The following MCTP1 variants were observed in gnomAD, a reference collection of about 807,000 sequenced individuals.
MCTP1 encodes multiple C2 and transmembrane domain containing 1, also known as multiple C2 and transmembrane domain-containing protein 1.
MCTP1 carries 69 observed loss-of-function variants against 120.6 expected under a neutral mutation model. The observed-to-expected ratio is 0.57, with a 90% CI of 0.47 to 0.70. The LOEUF (loss-of-function observed/expected upper bound fraction) is 0.70, where lower values mean the gene tolerates loss of function less well. Among genes scored for constraint, MCTP1 ranks in the 30% least tolerant of loss-of-function variants. MCTP1 has a pLI of 0.00. For synonymous variants in MCTP1, 529 were observed against 493.1 expected, an observed-to-expected ratio of 1.07 and a Z score of -0.96; for missense variants, 1,203 against 1,248.8, an observed-to-expected ratio of 0.96 and a Z score of 0.55.
rs1003829896 is a variant in MCTP1, at chr5:95,170,106, T to C, written c.720+113750A>G. Among the ~76,000 whole-genome samples the C allele has an allele frequency of 9.8e-5, 15 of 152,344 alleles. No individual in the cohort carries two copies. In the East Asian group the frequency reaches 2.9e-3, roughly 29 times the overall value. ...AATGTGTCCCAGAGATTCTGGTATG[T>C]TGTGTCTTTGTTCTCATTGGTTTCA... is the stretch of plus-strand genomic sequence containing the variant. On this transcript the variant is annotated intron_variant, in intron 1 of 22. Coordinates refer to ENST00000515393, the MANE Select transcript of MCTP1 (RefSeq NM_024717.7).
At chr5:94,753,798 T>C (rs1378325748) in intron 19 of MCTP1, among the ~76,000 whole-genome samples, 22 of 152,210 alleles carry the variant, frequency 1.4e-4, no homozygotes. Context: ...AAGTAACTTC[T>C]CTTCTAGAAA....
intron 1 of MCTP1, among the ~76,000 whole-genome samples, chr5:95,117,377 C>T (rs1400925494): frequency 3.6e-5 from 4 of 111,048 alleles, no homozygotes; most frequent in South Asian, 3.2e-4. Flanking sequence ...GGCAACAGAG[C>T]GAGACTCCGT....
intron 1 of MCTP1, among the ~76,000 whole-genome samples, chr5:95,232,636 T>A (rs922201754): frequency 6.6e-6 from 1 of 151,832 alleles, no homozygotes; most frequent in Non-Finnish European, 1.5e-5. Context: ...TTTTTTTGTA[T>A]TTTAGTAGAG....
chr5:94,925,503 G>C (rs964488443), intron 6 of MCTP1, among the ~76,000 whole-genome samples: 1 of 151,968 alleles, frequency 6.6e-6, no homozygotes, highest in Admixed American at 6.5e-5. Flanking sequence ...CCACCTCCCG[G>C]GTTCACGCCA....
At chr5:95,058,804 G>A (rs1164933782) in intron 1 of MCTP1, among the ~76,000 whole-genome samples, 1 of 151,992 alleles carries the variant, frequency 6.6e-6, no homozygotes, top group East Asian at 1.9e-4. Flanking sequence ...TGCAAACAGG[G>A]TTTTCAGGGG....
At chr5:95,220,338 T>C (rs956946913) in intron 1 of MCTP1, among the ~76,000 whole-genome samples, 1 of 151,094 alleles carries the variant, frequency 6.6e-6, no homozygotes, top group South Asian at 2.1e-4. Context: ...CTTCTTCCTT[T>C]TTTTTTTTTT....
chr5:94,791,112 CAAAAA>C (rs60394333), intron 18 of MCTP1, among the ~76,000 whole-genome samples: 2 of 99,660 alleles, frequency 2.0e-5, no homozygotes, highest in South Asian at 3.5e-4. Flanking sequence ...GTCTCTACTA[CAAAAA>C]AAAAAAAAAA....
At chr5:95,025,667 T>A (rs1352939847) in intron 1 of MCTP1, among the ~76,000 whole-genome samples, 1 of 152,192 alleles carries the variant, frequency 6.6e-6, no homozygotes, top group Non-Finnish European at 1.5e-5. Context: ...ACTGGAGTCA[T>A]TACCATACAT....
chr5:94,938,233 T>TC (rs1172109288), intron 5 of MCTP1, among the ~76,000 whole-genome samples: 1 of 151,984 alleles, frequency 6.6e-6, no homozygotes, highest in Non-Finnish European at 1.5e-5. Flanking sequence ...TTTCAATGGC[T>TC]CCCCCACAGT....
At chr5:95,242,678 A>T (rs1017569203) in intron 1 of MCTP1, among the ~76,000 whole-genome samples, 7 of 152,202 alleles carry the variant, frequency 4.6e-5, no homozygotes, top group Admixed American at 4.6e-4. Context: ...ACTTATATAA[A>T]ATTCTAGGAA....
intron 1 of MCTP1, among the ~76,000 whole-genome samples, chr5:95,277,424 A>G (rs1197238357): frequency 2.0e-5 from 3 of 152,230 alleles, no homozygotes; most frequent in Non-Finnish European, 4.4e-5. Context: ...CCAGGCTTAA[A>G]AGGACTTGGA....
chr5:94,912,857 C>T lies in MCTP1; in HGVS notation c.1470G>A (p.Leu490=), dbSNP rs1281768679. Residue 490 remains leucine, a synonymous_variant, in exon 9 of 23, where the codon TTG becomes TTA. Transcript: ENST00000515393. The part of the protein sequence containing the change: ...RDLKAMDSNG[L]SDPYVKFRLG... ...GCCGGAACTTCACGTAGGGATCGCT[C>T]AACCCGTTGGAATCCATGGCCTTGA... 1 of 1,589,394 alleles carries T rather than the reference C, an allele frequency of 6.3e-7. No individual in the cohort carries two copies. Among genetic ancestry groups the T allele is most frequent in the African/African-American group, 1.4e-5 (1 of 73,098 alleles).
intron 10 of MCTP1, among the ~76,000 whole-genome samples, chr5:94,904,942 G>C (rs1488812006): frequency 2.0e-5 from 3 of 152,152 alleles, no homozygotes; most frequent in Non-Finnish European, 4.4e-5. Context: ...GAAAATAAAT[G>C]ATAACATAAA....
rs1754415033 is a variant in MCTP1, at chr5:94,705,785, CAAT to C, written c.*1708_*1710del. On this transcript the variant is annotated 3_prime_UTR_variant, in exon 23 of 23. Coordinates refer to ENST00000515393, the MANE Select transcript of MCTP1 (RefSeq NM_024717.7). Reference sequence around the variant, plus strand: ...AAGTTATTTCAAACAGTTATCTCATCAATAAACTTTCTGTAGTAACATCATGTT... The same window carrying C: ...AAGTTATTTCAAACAGTTATCTCATCAAACTTTCTGTAGTAACATCATGTT... 1 of 151,064 alleles carries C rather than the reference CAAT, an allele frequency of 6.6e-6. No homozygotes were observed. The highest frequency in any genetic ancestry group is 2.4e-5 in the African/African-American group (1 of 41,128). The allele number at this position is 151,064 out of a possible 1,614,324, so 9.4% of individuals were successfully genotyped here. A position where few individuals can be genotyped will look rare whatever the true frequency, so the allele number is the denominator to read the frequency against.
intron 1 of MCTP1, among the ~76,000 whole-genome samples, chr5:95,278,562 A>G (rs1233795643): frequency 1.3e-5 from 2 of 152,208 alleles, no homozygotes; most frequent in Non-Finnish European, 2.9e-5. Context: ...TTATCAAGAA[A>G]TGGTCTTATT....
chr5:95,154,750 C>T (rs1055883352), intron 1 of MCTP1, among the ~76,000 whole-genome samples: 6 of 151,640 alleles, frequency 4.0e-5, no homozygotes, highest in Non-Finnish European at 7.4e-5. Context: ...ACTAGACTAT[C>T]GAAAAATAAT....
At chr5:95,011,215 T>C (rs1835870462) in intron 2 of MCTP1, among the ~76,000 whole-genome samples, 1 of 152,150 alleles carries the variant, frequency 6.6e-6, no homozygotes, top group African/African-American at 2.4e-5. Context: ...TGTACACATA[T>C]AATTTTAGCA....
chr5:94,747,686 T>C (rs1405927473), intron 19 of MCTP1, among the ~76,000 whole-genome samples: 1 of 152,068 alleles, frequency 6.6e-6, no homozygotes, highest in Non-Finnish European at 1.5e-5. Context: ...AAAGTCCAGA[T>C]TGCAACAGAG....
intron 1 of MCTP1, among the ~76,000 whole-genome samples, chr5:95,224,329 G>C (rs959002752): frequency 6.6e-6 from 1 of 152,104 alleles, no homozygotes; most frequent in African/African-American, 2.4e-5. Flanking sequence ...GAAATTCCAA[G>C]ATTCATTCGT....
Sources: allele counts gnomAD v4.1 joint callset (sites outside exome capture counted in the v4.1 genomes callset), GRCh38; gene constraint gnomAD v4.1.1; transcripts MANE v1.5; gene names NCBI Gene and HGNC (gene_info 2026-07-23, HGNC 2026-07-21).